Variants in PRKG1 observed in about 807,000 individuals in gnomAD.
PRKG1 encodes protein kinase cGMP-dependent 1.
A neutral mutation model predicts 88.1 loss-of-function variants in PRKG1; 35 were observed. The ratio of observed to expected loss-of-function variants is 0.40; its 90% CI spans 0.30 to 0.53. The LOEUF (loss-of-function observed/expected upper bound fraction) is 0.53. Ranked by LOEUF, PRKG1 falls within the 20% of genes least tolerant of loss-of-function variation. PRKG1 has a pLI of 0.59. For missense variants in PRKG1, 540 were observed against 839.8 expected (o/e 0.64, Z 4.41); for synonymous variants, 303 against 292.5 (o/e 1.04, Z -0.37).
At chr10:51,082,516 T>C (rs1172508667) in intron 1 of PRKG1, among the ~76,000 whole-genome samples, 1 of 152,198 alleles carries the variant, frequency 6.6e-6, no homozygotes, top group Non-Finnish European at 1.5e-5. Flanking sequence ...TAATTTTTGA[T>C]GATTCTCCAT....
chr10:51,371,055 T>A (rs1032823406), intron 2 of PRKG1, among the ~76,000 whole-genome samples: 10 of 152,170 alleles, frequency 6.6e-5, no homozygotes, highest in African/African-American at 2.4e-5. Context: ...CATTTTTTTT[T>A]ATTTCTGCAG....
chr10:51,384,374 C>A (rs746852193), intron 2 of PRKG1, among the ~76,000 whole-genome samples: 12 of 152,132 alleles, frequency 7.9e-5, no homozygotes, highest in Non-Finnish European at 1.3e-4. Flanking sequence ...GACCTCAGTG[C>A]TTATGGCAGA....
intron 9 of PRKG1, among the ~76,000 whole-genome samples, chr10:52,207,357 G>C (rs528326040): frequency 6.6e-6 from 1 of 152,110 alleles, no homozygotes; most frequent in Non-Finnish European, 1.5e-5. Context: ...AAGCACCCTG[G>C]TTGGGCATCC....
chr10:52,185,805 T>C (rs1839185586), intron 9 of PRKG1, among the ~76,000 whole-genome samples: 1 of 152,230 alleles, frequency 6.6e-6, no homozygotes, highest in South Asian at 2.1e-4. Context: ...TGGTGGCTTA[T>C]GCTCTCTAAA....
At chr10:51,062,864 C>G (rs534081264) in intron 1 of PRKG1, 1 of 152,258 alleles carries the variant, frequency 6.6e-6, no homozygotes, top group Non-Finnish European at 1.5e-5. Context: ...TCAGGCGATC[C>G]GCCCGACTCA....
At chr10:51,128,339 G>A (rs958322332) in intron 1 of PRKG1, among the ~76,000 whole-genome samples, 12 of 152,044 alleles carry the variant, frequency 7.9e-5, no homozygotes, top group African/African-American at 2.2e-4. Context: ...CCATATGCAC[G>A]GAATTCAAAA....
intron 3 of PRKG1, among the ~76,000 whole-genome samples, chr10:51,624,546 T>C (rs1201798294): frequency 6.6e-6 from 1 of 152,208 alleles, no homozygotes; most frequent in African/African-American, 2.4e-5. Flanking sequence ...ATCTTTTAAG[T>C]CTTTTCTTTC....
At chr10:51,963,530 G>T (rs1434291540) in intron 5 of PRKG1, among the ~76,000 whole-genome samples, 3 of 151,892 alleles carry the variant, frequency 2.0e-5, no homozygotes, top group Non-Finnish European at 2.9e-5. Context: ...CAAGATCCTG[G>T]GTCACTGCAA....
chr10:52,251,270 C>T (rs899038198), intron 9 of PRKG1, among the ~76,000 whole-genome samples: 2 of 152,104 alleles, frequency 1.3e-5, no homozygotes, highest in South Asian at 2.1e-4. Context: ...CAAGAAGACG[C>T]GTAGAAAAAG....
chr10:51,093,834 A>G (rs1844460075), intron 1 of PRKG1, among the ~76,000 whole-genome samples: 1 of 145,946 alleles, frequency 6.9e-6, no homozygotes, highest in South Asian at 2.1e-4. Flanking sequence ...ACACACACAC[A>G]CGCCATGCAC....
At chr10:51,597,456 T>C (rs553212511) in intron 3 of PRKG1, among the ~76,000 whole-genome samples, 1 of 152,326 alleles carries the variant, frequency 6.6e-6, no homozygotes, top group Admixed American at 6.5e-5. Context: ...GAGGGAATGA[T>C]CTGTTTCAAC....
chr10:52,046,451 T>C (rs1207435230), intron 5 of PRKG1, among the ~76,000 whole-genome samples: 1 of 152,116 alleles, frequency 6.6e-6, no homozygotes, highest in Non-Finnish European at 1.5e-5. Context: ...TGTATACTGT[T>C]CTATCTCTGT....
chr10:51,584,244 G>A (rs7085053), intron 3 of PRKG1, among the ~76,000 whole-genome samples: 10,506 of 152,002 alleles, frequency 0.069, 1,195 homozygotes, highest in African/African-American at 0.24. Flanking sequence ...GAATTCTTCT[G>A]TCAATGTCAG....
intron 9 of PRKG1, among the ~76,000 whole-genome samples, chr10:52,193,841 TA>T (rs1159218040): frequency 1.3e-5 from 2 of 152,180 alleles, no homozygotes; most frequent in Non-Finnish European, 2.9e-5. Context: ...GTTGCTTTTT[TA>T]AAATGTATGA....
chr10:51,595,173 C>A (rs2132215710), intron 3 of PRKG1, among the ~76,000 whole-genome samples: 1 of 152,196 alleles, frequency 6.6e-6, no homozygotes, highest in East Asian at 1.9e-4. Context: ...ATAGTGAGAT[C>A]CCATCTCTAC....
At chr10:51,706,541 A>G (rs905472423) in intron 3 of PRKG1, among the ~76,000 whole-genome samples, 1 of 152,216 alleles carries the variant, frequency 6.6e-6, no homozygotes, top group Non-Finnish European at 1.5e-5. Context: ...TAGATAAAGA[A>G]AAGAAAATGA....
At chr10:51,767,537 C>T (rs1395840051) in intron 3 of PRKG1, among the ~76,000 whole-genome samples, 1 of 152,140 alleles carries the variant, frequency 6.6e-6, no homozygotes, top group Non-Finnish European at 1.5e-5. Flanking sequence ...AAGGTTTCAA[C>T]TCTGAATCAG....
intron 3 of PRKG1, among the ~76,000 whole-genome samples, chr10:51,577,358 A>G (rs1837914509): frequency 6.6e-6 from 1 of 152,064 alleles, no homozygotes; most frequent in African/African-American, 2.4e-5. Context: ...CAAAACACAA[A>G]TGTGAAGACA....
intron 3 of PRKG1, chr10:51,699,709 C>A (rs1273293636): frequency 1.4e-6 from 1 of 708,428 alleles, no homozygotes; most frequent in Non-Finnish European, 2.3e-6. Flanking sequence ...CTGCATCCCA[C>A]TAACAACTTA....
Sources: allele counts gnomAD v4.1 joint callset (sites outside exome capture counted in the v4.1 genomes callset), GRCh38; gene constraint gnomAD v4.1.1; transcripts MANE v1.5; gene names NCBI Gene and HGNC (gene_info 2026-07-23, HGNC 2026-07-21).